Variants in PWWP3B observed in about 807,000 individuals in gnomAD.
The protein encoded by PWWP3B is PWWP domain-containing DNA repair factor 3B.
In PWWP3B, 5 loss-of-function variants were observed where a neutral mutation model predicts 15.7. The observed-to-expected ratio is 0.32, with a 90% confidence interval of 0.17 to 0.67. The LOEUF (loss-of-function observed/expected upper bound fraction) is 0.67, where lower values mean the gene tolerates loss of function less well. Among genes scored for constraint, PWWP3B ranks in the 30% least tolerant of loss-of-function variants. PWWP3B has a pLI of 0.74. For synonymous variants in PWWP3B, 203 were observed against 179.8 expected, an observed-to-expected ratio of 1.13 and a Z score of -1.03; for missense variants, 519 against 493.1, an observed-to-expected ratio of 1.05 and a Z score of -0.50.
rs747717470 is a variant in PWWP3B at position 106,206,752 on chromosome X, T to C, written c.1320T>C (p.Phe440=). The C allele has an allele frequency of 3.4e-5, 41 of 1,209,145 alleles. No individual in the cohort carries two copies. The highest frequency in any genetic ancestry group is 4.0e-5 in the Non-Finnish European group (36 of 894,809). Residue 440 remains phenylalanine, a synonymous_variant, in exon 4 of 4, where the codon TTT becomes TTC. Coordinates refer to ENST00000357175, the MANE Select transcript of PWWP3B (RefSeq NM_001171020.2). Reference sequence around the variant, plus strand: ...AAAAGAAGGGCATTAGAGTAAATTTTAGAAGATTAAAGAAATTTGATTGTA... The same window carrying C: ...AAAAGAAGGGCATTAGAGTAAATTTCAGAAGATTAAAGAAATTTGATTGTA... ...NSEKKGIRVN[F]RRLKKFDCKE...
chrX:106,206,261 G>C lies in PWWP3B; in HGVS notation c.829G>C (p.Glu277Gln). Residue 277 changes from glutamate (E) to glutamine (Q), a missense_variant, in exon 4 of 4, where the codon GAG becomes CAG. Coordinates refer to ENST00000357175, the MANE Select transcript of PWWP3B (RefSeq NM_001171020.2). The part of the protein sequence containing the change: ...AVPSECSAFS[E>Q]NIEDPGEGPS... ...TCCCTCTGAATGCTCTGCTTTCTCAGAGAATATTGAGGATCCTGGAGAGGG... is the reference window on the plus strand; with the variant it reads ...TCCCTCTGAATGCTCTGCTTTCTCACAGAATATTGAGGATCCTGGAGAGGG... The C allele has an allele frequency of 8.3e-7, 1 of 1,206,268 alleles. No homozygotes were observed. The highest frequency in any genetic ancestry group is 1.1e-6 in the Non-Finnish European group (1 of 892,294).
intron 2 of PWWP3B, among the ~76,000 whole-genome samples, chrX:106,186,210 G>A (rs768602834): frequency 4.5e-5 from 5 of 110,814 alleles, no homozygotes; most frequent in South Asian, 3.9e-4. Flanking sequence ...GACTTTGAGA[G>A]TTCTGCTCAT....
At chrX:106,202,376 G>C (rs1042730586) in intron 2 of PWWP3B, among the ~76,000 whole-genome samples, 7 of 111,805 alleles carry the variant, frequency 6.3e-5, no homozygotes. Flanking sequence ...CTTTAGAGTA[G>C]ATTACTCAGT....
At chrX:106,186,062 A>C (rs1922489091) in intron 2 of PWWP3B, among the ~76,000 whole-genome samples, 1 of 111,524 alleles carries the variant, frequency 9.0e-6, no homozygotes, top group South Asian at 3.8e-4. Context: ...AAAGCACCAG[A>C]GATAGGAAGT....
chrX:106,196,546 GA>G (rs1410802902), intron 2 of PWWP3B, among the ~76,000 whole-genome samples: 6 of 111,378 alleles, frequency 5.4e-5, no homozygotes, highest in African/African-American at 1.3e-4. Flanking sequence ...AAATTGAGAT[GA>G]TTTTTTTTCT....
intron 2 of PWWP3B, among the ~76,000 whole-genome samples, chrX:106,176,516 A>G (rs1003493291): frequency 8.9e-6 from 1 of 111,811 alleles, no homozygotes; most frequent in African/African-American, 3.3e-5. Flanking sequence ...GGGAAAAATT[A>G]TACTCTCAGA....
At chrX:106,182,369 G>A (rs771260433) in intron 2 of PWWP3B, among the ~76,000 whole-genome samples, 1 of 111,310 alleles carries the variant, frequency 9.0e-6, no homozygotes, top group Admixed American at 9.6e-5. Context: ...GGCACTGATA[G>A]GGTCTGATTT....
chrX:106,183,520 C>T (rs1350610597), intron 2 of PWWP3B, among the ~76,000 whole-genome samples: 1 of 111,706 alleles, frequency 9.0e-6, no homozygotes, highest in Non-Finnish European at 1.9e-5. Context: ...ACTTGTTCCC[C>T]ATATTCATGT....
At chrX:106,173,926 C>A (rs1473257845) in intron 2 of PWWP3B, among the ~76,000 whole-genome samples, 1 of 111,201 alleles carries the variant, frequency 9.0e-6, no homozygotes, top group Non-Finnish European at 1.9e-5. Flanking sequence ...GGTTTCAAAC[C>A]CACACTGTCT....
At chrX:106,195,890 T>A (rs1329935384) in intron 2 of PWWP3B, among the ~76,000 whole-genome samples, 2 of 111,686 alleles carry the variant, frequency 1.8e-5, no homozygotes, top group Non-Finnish European at 3.8e-5. Flanking sequence ...AGATATAACA[T>A]CCTAAAAATT....
rs777289115 is a variant in PWWP3B at position 106,171,128 on chromosome X, A to G, written c.-412A>G. 4.5e-5 allele frequency: 5 copies of G among 111,591 alleles called. No individual in the cohort carries two copies. The highest frequency in any genetic ancestry group is 1.9e-4 in the Admixed American group (2 of 10,421). 9.2% of individuals were successfully genotyped at this position (111,591 alleles called of 1,213,427 possible). Reference sequence around the variant, plus strand: ...GGACCACAGGACCAGACCCAGCAGTATCCATGTAACAGTGAGTAAGACTCT... The same window carrying G: ...GGACCACAGGACCAGACCCAGCAGTGTCCATGTAACAGTGAGTAAGACTCT... On this transcript the variant is annotated 5_prime_UTR_variant, in exon 2 of 4. Coordinates refer to ENST00000357175, the MANE Select transcript of PWWP3B (RefSeq NM_001171020.2).
chrX:106,184,831 C>T (rs180772296), intron 2 of PWWP3B, among the ~76,000 whole-genome samples: 49 of 111,236 alleles, frequency 4.4e-4, no homozygotes, highest in Middle Eastern at 4.7e-3. Flanking sequence ...AAATTCCCTT[C>T]CCCCTACAGC....
In PWWP3B at chrX:106,168,700, T is replaced by G. The variant is rs140065373; in HGVS notation, c.-529+275T>G. Among the ~76,000 whole-genome samples the G allele has an allele frequency of 4.4e-4, 49 of 112,354 alleles. No homozygotes were observed. In the East Asian group the frequency reaches 6.8e-3, roughly 16 times the overall value. ...GATGAAACAAAACTTGGGAGTTTAA[T>G]CTTCCTTATTTTGAAAAAGGTTGTA... On this transcript the variant is annotated intron_variant, in intron 1 of 3. Coordinates refer to ENST00000357175, the MANE Select transcript of PWWP3B (RefSeq NM_001171020.2).
At position 106,205,356 on chromosome X, in the gene PWWP3B, A is replaced by G; in HGVS notation, c.-77A>G. The G allele has an allele frequency of 1.1e-6, 1 of 936,159 alleles. No homozygotes were observed. Among genetic ancestry groups the G allele is most frequent in the Non-Finnish European group, 1.4e-6 (1 of 696,240 alleles). 77.2% of individuals were successfully genotyped at this position (936,159 alleles called of 1,213,427 possible). ...ATTTGTTAAGAGTATTGTTTTGGGT[A>G]GAACTTGCATTAGCAGTGACAAAGA... On this transcript the variant is annotated 5_prime_UTR_variant, in exon 4 of 4. Coordinates refer to ENST00000357175, the MANE Select transcript of PWWP3B (RefSeq NM_001171020.2).
intron 2 of PWWP3B, among the ~76,000 whole-genome samples, chrX:106,179,013 C>G (rs1922048111): frequency 8.9e-6 from 1 of 111,814 alleles, no homozygotes; most frequent in African/African-American, 3.3e-5. Flanking sequence ...CCACCGTTCT[C>G]CCACAAGGAT....
At position 106,175,391 on chromosome X, in the gene PWWP3B, C is replaced by T. The variant is rs188817297; in HGVS notation, c.-401+4252C>T. On this transcript the variant is annotated intron_variant, in intron 2 of 3. Coordinates refer to ENST00000357175, the MANE Select transcript of PWWP3B (RefSeq NM_001171020.2). ...GAGTAGCTGGGACTACAGGCGCCAG[C>T]CACCGCCCCCTGCTGATTTTTTGTA... 4.7e-3 allele frequency among the ~76,000 whole-genome samples: 504 copies of T among 107,998 alleles called. 5 individuals carry two copies. Among genetic ancestry groups the T allele is most frequent in the African/African-American group, 0.016 (481 of 29,528 alleles). 93.8% of individuals were successfully genotyped at this position (107,998 alleles called of 115,157 possible).
At chrX:106,171,660 A>C (rs1446345694) in intron 2 of PWWP3B, among the ~76,000 whole-genome samples, 1 of 104,159 alleles carries the variant, frequency 9.6e-6, no homozygotes, top group Non-Finnish European at 2.1e-5. Flanking sequence ...TAGATGGTAT[A>C]GCCTACTACA....
chrX:106,197,428 T>G (rs773417101), intron 2 of PWWP3B, among the ~76,000 whole-genome samples: 2 of 111,908 alleles, frequency 1.8e-5, no homozygotes, highest in Admixed American at 9.5e-5. Context: ...GAGGGTTTGC[T>G]GCTTCTCCTC....
chrX:106,200,610 C>T (rs1923640539), intron 2 of PWWP3B, among the ~76,000 whole-genome samples: 1 of 111,323 alleles, frequency 9.0e-6, no homozygotes, highest in Admixed American at 9.6e-5. Flanking sequence ...TGAGTTAAAT[C>T]AGAAATCTAT....
Sources: allele counts gnomAD v4.1 joint callset (sites outside exome capture counted in the v4.1 genomes callset), GRCh38; gene constraint gnomAD v4.1.1; transcripts MANE v1.5; gene names NCBI Gene and HGNC (gene_info 2026-07-23, HGNC 2026-07-21).